PDE4D: variants seen among roughly 807,000 people sequenced by gnomAD.
PDE4D encodes the protein 3',5'-cyclic-AMP phosphodiesterase 4D.
A neutral mutation model predicts 87.4 loss-of-function variants in PDE4D; 24 were observed. That is an observed-to-expected ratio of 0.27 (90% CI 0.20 to 0.39). The LOEUF (loss-of-function observed/expected upper bound fraction) is 0.39, where lower values mean the gene tolerates loss of function less well. Among genes scored for constraint, PDE4D ranks in the 10% least tolerant of loss-of-function variants. PDE4D has a pLI of 1.00. For missense variants in PDE4D, 714 were observed against 1,041.0 expected (o/e 0.69, Z 4.32); for synonymous variants, 384 against 383.2 (o/e 1.00, Z -0.02).
chr5:59,603,491 G>T (rs1264147812), intron 1 of PDE4D, among the ~76,000 whole-genome samples: 1 of 151,858 alleles, frequency 6.6e-6, no homozygotes, highest in Non-Finnish European at 1.5e-5. Context: ...AAAGTCAAAA[G>T]ATATTAAGTG....
chr5:59,565,326 T>C (rs112411414), intron 1 of PDE4D, among the ~76,000 whole-genome samples: 317 of 152,034 alleles, frequency 2.1e-3, no homozygotes, highest in African/African-American at 7.4e-3. Context: ...CAAAACCAAC[T>C]TGGGCAACAT....
intron 1 of PDE4D, among the ~76,000 whole-genome samples, chr5:60,401,959 TGTGAATACCCAAAAA>T (rs1741130263): frequency 3.9e-5 from 6 of 152,128 alleles, no homozygotes; most frequent in Admixed American, 2.6e-4. Flanking sequence ...AAAATCTAAA[TGTGAATACCCAAAAA>T]TGGGAAAGAA....
chr5:60,365,527 C>T (rs1488618269), intron 1 of PDE4D, among the ~76,000 whole-genome samples: 1 of 152,052 alleles, frequency 6.6e-6, no homozygotes, highest in Non-Finnish European at 1.5e-5. Context: ...GCAAGCAAGC[C>T]TTTTTTGGTA....
chr5:59,289,907 G>C (rs74634012), intron 1 of PDE4D, among the ~76,000 whole-genome samples: 2 of 151,810 alleles, frequency 1.3e-5, no homozygotes, highest in African/African-American at 4.8e-5. Flanking sequence ...AAAAGAAATG[G>C]AGAAAGTAAT....
intron 1 of PDE4D, among the ~76,000 whole-genome samples, chr5:59,526,537 G>A (rs1247891806): frequency 2.0e-5 from 3 of 152,160 alleles, no homozygotes; most frequent in Non-Finnish European, 2.9e-5. Flanking sequence ...TACTGTTTCA[G>A]GAGGTTGACA....
chr5:59,047,321 C>T (rs1345288491), intron 5 of PDE4D, among the ~76,000 whole-genome samples: 1 of 152,118 alleles, frequency 6.6e-6, no homozygotes, highest in Non-Finnish European at 1.5e-5. Flanking sequence ...AAGAAGTTCA[C>T]TTAGAGAACA....
Position 58,977,124 on chromosome 5 carries a change from T to C in PDE4D, c.1707+67A>G. On this transcript the variant is annotated intron_variant, in intron 12 of 14. Coordinates refer to ENST00000340635, the MANE Select transcript of PDE4D (RefSeq NM_001104631.2). ...TTCCTTTTACCTAATACTCATCTTG[T>C]TCTTATGTCTAAATTATAAACAACT... 5 of 1,429,044 alleles carry C rather than the reference T, an allele frequency of 3.5e-6. No individual in the cohort carries two copies. The East Asian group carries it at 1.1e-4, about 33-fold the overall frequency. The allele number at this position is 1,429,044 out of a possible 1,614,324, so 88.5% of individuals were successfully genotyped here.
At chr5:60,490,146 C>G (rs1749453350), upstream of PDE4D, 1 of 152,242 alleles carries the variant, frequency 6.6e-6, no homozygotes, top group Non-Finnish European at 1.5e-5. Flanking sequence ...TTGTTTGACT[C>G]AACTTCAAGC....
intron 2 of PDE4D, among the ~76,000 whole-genome samples, chr5:60,075,224 G>A (rs934872064): frequency 6.6e-6 from 1 of 152,180 alleles, no homozygotes; most frequent in Non-Finnish European, 1.5e-5. Flanking sequence ...AATTCCCTCA[G>A]CATTTGTTTG....
chr5:60,505,463 G>T (rs573654401), intron 1 of PDE4D, among the ~76,000 whole-genome samples: 1 of 152,310 alleles, frequency 6.6e-6, no homozygotes, highest in South Asian at 2.1e-4. Context: ...AACCCAGAAA[G>T]CATATCAACG....
intron 1 of PDE4D, among the ~76,000 whole-genome samples, chr5:60,299,310 G>A (rs1204343710): frequency 1.3e-5 from 2 of 152,190 alleles, no homozygotes; most frequent in African/African-American, 4.8e-5. Flanking sequence ...AGGGAATTTA[G>A]TTATTCCTTG....
chr5:60,417,727 A>G (rs1742733178), intron 1 of PDE4D, among the ~76,000 whole-genome samples: 1 of 152,042 alleles, frequency 6.6e-6, no homozygotes, highest in African/African-American at 2.4e-5. Context: ...AAGAAAAAAA[A>G]CTCTTCTGAA....
intron 2 of PDE4D, among the ~76,000 whole-genome samples, chr5:60,178,967 G>A (rs545516450): frequency 5.3e-5 from 8 of 152,194 alleles, no homozygotes; most frequent in South Asian, 2.1e-4. Context: ...AACAAATATC[G>A]TAGATTGTAT....
intron 1 of PDE4D, among the ~76,000 whole-genome samples, chr5:59,216,517 C>T (rs1371261606): frequency 6.6e-6 from 1 of 152,116 alleles, no homozygotes; most frequent in East Asian, 1.9e-4. Context: ...ATATTAGTGT[C>T]TTGAATCCAT....
chr5:59,126,571 C>T (rs1046235735), intron 5 of PDE4D, among the ~76,000 whole-genome samples: 1 of 152,126 alleles, frequency 6.6e-6, no homozygotes, highest in East Asian at 1.9e-4. Context: ...TCTTTGAAAA[C>T]GAAGAATCAT....
chr5:59,156,331 A>ATATATATATGTGTGTG (rs1384479557), intron 5 of PDE4D, among the ~76,000 whole-genome samples: 11 of 122,758 alleles, frequency 9.0e-5, no homozygotes, highest in African/African-American at 3.0e-4. Flanking sequence ...ATATATATAT[A>ATATATATATGTGTGTG]TGTGTGTGTG....
At chr5:60,439,654 C>A (rs1303507968) in intron 1 of PDE4D, among the ~76,000 whole-genome samples, 5 of 152,096 alleles carry the variant, frequency 3.3e-5, no homozygotes, top group African/African-American at 1.2e-4. Flanking sequence ...TGCTTTCTTT[C>A]TTTTCCCTAA....
At chr5:59,583,724 G>A (rs1824611450) in intron 1 of PDE4D, among the ~76,000 whole-genome samples, 1 of 152,150 alleles carries the variant, frequency 6.6e-6, no homozygotes, top group South Asian at 2.1e-4. Context: ...CAGCCCTAGG[G>A]CAGGTGGATG....
intron 1 of PDE4D, among the ~76,000 whole-genome samples, chr5:59,381,121 C>G (rs542391797): frequency 6.6e-6 from 1 of 152,272 alleles, no homozygotes; most frequent in African/African-American, 2.4e-5. Flanking sequence ...ATTCCACTCC[C>G]TTTCCATCAA....
Sources: gnomAD v4.1 joint callset for allele counts (sites outside exome capture counted in the v4.1 genomes callset) on GRCh38, gnomAD v4.1.1 for gene constraint, MANE v1.5 for transcripts, NCBI Gene and HGNC (gene_info 2026-07-23, HGNC 2026-07-21) for gene names.